The following TIAM1 variants were observed in gnomAD, a reference collection of about 807,000 sequenced individuals.
TIAM1 encodes the protein rho guanine nucleotide exchange factor TIAM1.
TIAM1 carries 65 observed loss-of-function variants against 163.5 expected under a neutral mutation model. The ratio of observed to expected loss-of-function variants is 0.40; its 90% CI spans 0.33 to 0.49. The LOEUF is 0.49. Ranked by LOEUF, TIAM1 falls within the 20% of genes least tolerant of loss-of-function variation. TIAM1 has a pLI of 0.77. For missense variants in TIAM1, 1,789 were observed against 2,044.7 expected, an observed-to-expected ratio of 0.87 and a Z score of 2.41; for synonymous variants, 833 against 810.1, an observed-to-expected ratio of 1.03 and a Z score of -0.48.
At chr21:31,249,275 G>A (rs1338050583) in intron 5 of TIAM1, among the ~76,000 whole-genome samples, 3 of 152,308 alleles carry the variant, frequency 2.0e-5, no homozygotes, top group South Asian at 2.1e-4. Flanking sequence ...TGAAGACATC[G>A]GAAGAAGACA....
intron 1 of TIAM1, among the ~76,000 whole-genome samples, chr21:31,492,758 A>C (rs2046510661): frequency 6.7e-6 from 1 of 149,442 alleles, no homozygotes; most frequent in Non-Finnish European, 1.5e-5. Flanking sequence ...ATTGATTGAG[A>C]CCTGAGATAT....
At chr21:31,162,677 T>C (rs1160179934) in intron 16 of TIAM1, among the ~76,000 whole-genome samples, 5 of 150,178 alleles carry the variant, frequency 3.3e-5, no homozygotes, top group Non-Finnish European at 7.4e-5. Context: ...AGTCCCACAC[T>C]GTCTCCCAGG....
At chr21:31,370,387 T>A (rs1423373903) in intron 2 of TIAM1, among the ~76,000 whole-genome samples, 1 of 152,228 alleles carries the variant, frequency 6.6e-6, no homozygotes, top group Non-Finnish European at 1.5e-5. Context: ...ATGGCTTTTT[T>A]ATGTTCTTAT....
At chr21:31,533,860 T>C (rs1263734405) in intron 1 of TIAM1, among the ~76,000 whole-genome samples, 1 of 152,216 alleles carries the variant, frequency 6.6e-6, no homozygotes, top group Non-Finnish European at 1.5e-5. Context: ...CATGTCAACA[T>C]AGTGGGCAGT....
chr21:31,511,838 G>A (rs757017641), intron 1 of TIAM1, among the ~76,000 whole-genome samples: 3 of 152,156 alleles, frequency 2.0e-5, no homozygotes, highest in Non-Finnish European at 4.4e-5. Flanking sequence ...CGTTGCTAGG[G>A]CAAGGGAAAA....
chr21:31,221,533 G>A (rs1238414289), intron 8 of TIAM1, among the ~76,000 whole-genome samples: 1 of 152,316 alleles, frequency 6.6e-6, no homozygotes, highest in South Asian at 2.1e-4. Context: ...TAGAGGGTCC[G>A]AAGATGAATT....
intron 1 of TIAM1, among the ~76,000 whole-genome samples, chr21:31,505,067 C>T (rs1255764568): frequency 6.6e-6 from 1 of 152,168 alleles, no homozygotes; most frequent in Non-Finnish European, 1.5e-5. Context: ...ACTTAGGACA[C>T]AGAATGAGTG....
At chr21:31,396,807 C>T (rs754586176) in intron 2 of TIAM1, among the ~76,000 whole-genome samples, 2 of 151,614 alleles carry the variant, frequency 1.3e-5, no homozygotes, top group East Asian at 1.9e-4. Flanking sequence ...AAAAATTAGC[C>T]GGGCCTGGTA....
rs79259921 is a variant in TIAM1, at chr21:31,386,930, T to C, written c.-368-47508A>G. ...TTGGTTTCTGCCTTGGTGTCCAGGG[T>C]GTTTTTGACGTCCTGAGCTTTATCT... On this transcript the variant is annotated intron_variant, in intron 2 of 28. Transcript: ENST00000286827. 1.1e-4 allele frequency among the ~76,000 whole-genome samples: 17 copies of C among 152,246 alleles called. No homozygotes were observed. In the East Asian group the frequency reaches 2.9e-3, roughly 26 times the overall value.
In TIAM1 at chr21:31,141,049, AT is replaced by A; in HGVS notation, c.3774+68del. On this transcript the variant is annotated intron_variant, in intron 22 of 27. Transcript: ENST00000541036. The surrounding 1 kb of genome is among the most constrained non-coding windows in gnomAD (Gnocchi z 4.7). Reference sequence around the variant, plus strand: ...CAAGTAACACCTTTTTAAAAAATAAATAAATAAATAAAAGCAAACTCAAACT... The same window carrying A: ...CAAGTAACACCTTTTTAAAAAATAAAAAATAAATAAAAGCAAACTCAAACT... The A allele has an allele frequency of 8.2e-7, 1 of 1,225,340 alleles. No homozygotes were observed. 75.9% of individuals were successfully genotyped at this position (1,225,340 alleles called of 1,614,324 possible). A position where few individuals can be genotyped will look rare whatever the true frequency, so the allele number is the denominator to read the frequency against.
At chr21:31,265,882 C>A in intron 4 of TIAM1, 128 bp downstream of exon 4, 2 of 1,305,094 alleles carry the variant, frequency 1.5e-6, no homozygotes, top group South Asian at 1.5e-5. Context: ...ACAGCACCAG[C>A]TGCAGCAACT....
intron 1 of TIAM1, among the ~76,000 whole-genome samples, chr21:31,519,213 G>T (rs1284694739): frequency 6.6e-6 from 1 of 151,068 alleles, no homozygotes; most frequent in Non-Finnish European, 1.5e-5. Flanking sequence ...GCTGAGGCAG[G>T]AGAATTGCTT....
chr21:31,193,536 GC>G (rs935200035), intron 13 of TIAM1, among the ~76,000 whole-genome samples: 39 of 152,148 alleles, frequency 2.6e-4, no homozygotes, highest in Admixed American at 2.5e-3. Context: ...CTGAAACAGG[GC>G]CCGCTGAAGC....
At chr21:31,313,523 T>C (rs375272113) in intron 2 of TIAM1, among the ~76,000 whole-genome samples, 5 of 152,332 alleles carry the variant, frequency 3.3e-5, no homozygotes, top group Admixed American at 6.5e-5. Flanking sequence ...TTTAATGTCA[T>C]TCATGATATG....
At chr21:31,215,731 G>A (rs1420555597) in intron 9 of TIAM1, among the ~76,000 whole-genome samples, 1 of 152,040 alleles carries the variant, frequency 6.6e-6, no homozygotes, top group Non-Finnish European at 1.5e-5. Context: ...TAAAACCCAT[G>A]GAAGCAAGCT....
At chr21:31,339,189 G>A in intron 2 of TIAM1, 54 bp downstream of exon 2, 1 of 396,410 alleles carries the variant, frequency 2.5e-6, no homozygotes, top group Non-Finnish European at 4.4e-6. Context: ...AGATAATAAA[G>A]ACTTTAAAAG....
chr21:31,295,236 C>T (rs1290096689), intron 2 of TIAM1, among the ~76,000 whole-genome samples: 3 of 152,064 alleles, frequency 2.0e-5, no homozygotes, highest in Admixed American at 6.6e-5. Context: ...TTTGGGAGGC[C>T]AAGGCGGGCG....
At chr21:31,512,174 G>A (rs2147473473) in intron 1 of TIAM1, among the ~76,000 whole-genome samples, 1 of 152,172 alleles carries the variant, frequency 6.6e-6, no homozygotes, top group African/African-American at 2.4e-5. Flanking sequence ...TTGGCTCACT[G>A]CAGCCTTGAC....
At chr21:31,369,068 C>T (rs546078) in intron 2 of TIAM1, among the ~76,000 whole-genome samples, 64,962 of 151,152 alleles carry the variant, frequency 0.43, 14,524 homozygotes, top group African/African-American at 0.53. Context: ...CTACTAAAAA[C>T]ACAGAAAATT....
Sources: allele counts gnomAD v4.1 joint callset (sites outside exome capture counted in the v4.1 genomes callset), GRCh38; gene constraint gnomAD v4.1.1; non-coding constraint Gnocchi (gnomAD v3.1); transcripts MANE v1.5; gene names NCBI Gene and HGNC (gene_info 2026-07-23, HGNC 2026-07-21).